ASIC2: variants seen among roughly 807,000 people sequenced by gnomAD.
ASIC2 encodes the protein acid-sensing ion channel 2.
ASIC2 carries 25 observed loss-of-function variants against 57.3 expected under a neutral mutation model. That is an observed-to-expected ratio of 0.44 (90% CI 0.32 to 0.61). The LOEUF is 0.61. Ranked by LOEUF, ASIC2 falls within the 20% of genes least tolerant of loss-of-function variation. The probability of loss-of-function intolerance (pLI) is 0.06; values close to 1 mark genes in which losing one functional copy is unlikely to be tolerated. For synonymous variants in ASIC2, 319 were observed against 307.5 expected, an observed-to-expected ratio of 1.04 and a Z score of -0.39; for missense variants, 641 against 738.1, an observed-to-expected ratio of 0.87 and a Z score of 1.52.
At chr17:34,085,242 G>C (rs1910064797) in intron 1 of ASIC2, among the ~76,000 whole-genome samples, 1 of 152,264 alleles carries the variant, frequency 6.6e-6, no homozygotes, top group East Asian at 1.9e-4. Flanking sequence ...AGAGTTTTTA[G>C]CATGAAGGTT....
rs1022022146 is a variant in ASIC2 at position 33,695,088 on chromosome 17, A to T, written c.555+460890T>A. On this transcript the variant is annotated intron_variant, in intron 1 of 9. Transcript: ENST00000359872. ...GGGAAAGAAAATATATCACAAAAAAAGTTTTTTGTTTAGTAGCAAACAGTA... is the reference window on the plus strand; with the variant it reads ...GGGAAAGAAAATATATCACAAAAAATGTTTTTTGTTTAGTAGCAAACAGTA... Among the ~76,000 whole-genome samples, 12 of 152,360 alleles carry T rather than the reference A, an allele frequency of 7.9e-5. No individual in the cohort carries two copies. The East Asian group carries it at 2.3e-3, about 29-fold the overall frequency.
intron 1 of ASIC2, among the ~76,000 whole-genome samples, chr17:33,877,769 C>T (rs1166545596): frequency 6.6e-6 from 1 of 152,204 alleles, no homozygotes; most frequent in African/African-American, 2.4e-5. Flanking sequence ...AGTGGTTCTC[C>T]CAGCACACAG....
At chr17:33,742,723 G>A (rs1431584076) in intron 1 of ASIC2, among the ~76,000 whole-genome samples, 2 of 152,182 alleles carry the variant, frequency 1.3e-5, no homozygotes, top group Non-Finnish European at 2.9e-5. Context: ...GGCATAATGG[G>A]TTCTGATGTT....
chr17:33,862,447 G>A (rs916097240), intron 1 of ASIC2, among the ~76,000 whole-genome samples: 2 of 151,980 alleles, frequency 1.3e-5, no homozygotes, highest in African/African-American at 2.4e-5. Flanking sequence ...TATATTTATA[G>A]GGTATAGATG....
At chr17:33,032,317 T>C (rs1396707688) in intron 3 of ASIC2, among the ~76,000 whole-genome samples, 1 of 152,184 alleles carries the variant, frequency 6.6e-6, no homozygotes, top group Non-Finnish European at 1.5e-5. Context: ...ATTTACAATA[T>C]TCATACTTAA....
At chr17:33,034,894 C>T (rs753253764) in intron 3 of ASIC2, among the ~76,000 whole-genome samples, 5 of 152,174 alleles carry the variant, frequency 3.3e-5, no homozygotes, top group Non-Finnish European at 5.9e-5. Context: ...AAATATTAGC[C>T]AGTATTTCTT....
At chr17:33,542,590 G>T (rs1224235621) in intron 1 of ASIC2, among the ~76,000 whole-genome samples, 1 of 72,852 alleles carries the variant, frequency 1.4e-5, no homozygotes, top group Non-Finnish European at 2.8e-5. Context: ...TTTTGATGGG[G>T]TTGTTTGTTT....
At chr17:33,329,840 A>G (rs1907236168) in intron 1 of ASIC2, among the ~76,000 whole-genome samples, 1 of 152,120 alleles carries the variant, frequency 6.6e-6, no homozygotes, top group Non-Finnish European at 1.5e-5. Context: ...CAAGAACTAT[A>G]CCCAGGTAGG....
intron 2 of ASIC2, among the ~76,000 whole-genome samples, chr17:33,095,204 G>T (rs1418221016): frequency 6.6e-6 from 1 of 152,178 alleles, no homozygotes; most frequent in Non-Finnish European, 1.5e-5. Context: ...AAGGGGATCA[G>T]TTGCTGTTTT....
At chr17:33,352,968 C>A (rs1908242754) in intron 1 of ASIC2, among the ~76,000 whole-genome samples, 1 of 152,174 alleles carries the variant, frequency 6.6e-6, no homozygotes, top group South Asian at 2.1e-4. Context: ...GAGCTAATAT[C>A]TGTAGCACTG....
intron 1 of ASIC2, among the ~76,000 whole-genome samples, chr17:33,128,101 C>T (rs1378508628): frequency 2.0e-5 from 3 of 152,234 alleles, no homozygotes; most frequent in African/African-American, 7.2e-5. Flanking sequence ...CTTCATACTC[C>T]AGCTAGGGAA....
intron 1 of ASIC2, among the ~76,000 whole-genome samples, chr17:33,364,916 G>T (rs113274016): frequency 6.6e-6 from 1 of 152,046 alleles, no homozygotes; most frequent in Non-Finnish European, 1.5e-5. Flanking sequence ...GTCCAACTCC[G>T]CAGTCAAGTA....
At position 33,291,511 on chromosome 17, in the gene ASIC2, C is replaced by G. The variant is rs772044158; in HGVS notation, c.605G>C (p.Gly202Ala). The change falls in exon 1 of 10, where the codon GGA becomes GCA. Residue 202 changes from glycine (G) to alanine (A), a missense_variant. Coordinates refer to ENST00000225823, the MANE Select transcript of ASIC2 (RefSeq NM_183377.2). ...RLFLPPRHFE[G>A]ISAAFMDRLG... ...GCGGTCCATGAAGGCGGCGCTGATT[C>G]CCTCGAAGTGGCGCGGAGGCAGGAA... is the stretch of plus-strand genomic sequence containing the variant. The G allele has an allele frequency of 1.1e-5, 18 of 1,612,580 alleles. No individual in the cohort carries two copies. Among genetic ancestry groups the G allele is most frequent in the Admixed American group, 6.7e-5 (4 of 59,998 alleles).
intron 1 of ASIC2, among the ~76,000 whole-genome samples, chr17:33,588,924 G>A (rs1904736161): frequency 6.6e-6 from 1 of 152,174 alleles, no homozygotes; most frequent in Non-Finnish European, 1.5e-5. Context: ...TTCACTTGCT[G>A]TGTGGCCCAT....
In ASIC2 at chr17:33,619,337, C is replaced by T. The variant is rs552440988; in HGVS notation, c.556-507270G>A. Among the ~76,000 whole-genome samples, 6 of 152,104 alleles carry T rather than the reference C, an allele frequency of 3.9e-5. 1 individual carries two copies. The South Asian group carries it at 1.2e-3, about 32-fold the overall frequency. The stretch of plus-strand genomic sequence containing the variant: ...ATGAAGAGCTTCTTCTGTTAAGCTC[C>T]TAAAAATGATGTACCAGAAAAATTA... On this transcript the variant is annotated intron_variant, in intron 1 of 9. Transcript: ENST00000359872.
intron 1 of ASIC2, among the ~76,000 whole-genome samples, chr17:33,419,184 C>T (rs1215354131): frequency 6.6e-6 from 1 of 152,168 alleles, no homozygotes; most frequent in Non-Finnish European, 1.5e-5. Context: ...GTTGTTGCAC[C>T]CATTGGTGCC....
At chr17:33,621,727 C>T (rs1457071938) in intron 1 of ASIC2, among the ~76,000 whole-genome samples, 2 of 152,144 alleles carry the variant, frequency 1.3e-5, no homozygotes, top group Admixed American at 1.3e-4. Context: ...TTCCTGGGGG[C>T]CTCTGTCACC....
chr17:33,981,691 G>A (rs1490055860), intron 1 of ASIC2, among the ~76,000 whole-genome samples: 2 of 145,736 alleles, frequency 1.4e-5, no homozygotes, highest in Non-Finnish European at 3.0e-5. Flanking sequence ...AGGAAGGAAA[G>A]AAGGGAGGGG....
chr17:33,544,604 T>A (rs1269109491), intron 1 of ASIC2, among the ~76,000 whole-genome samples: 1 of 152,200 alleles, frequency 6.6e-6, no homozygotes, highest in African/African-American at 2.4e-5. Context: ...GAATGCTACA[T>A]TTCGTTGACT....
Sources: allele counts gnomAD v4.1 joint callset (sites outside exome capture counted in the v4.1 genomes callset), GRCh38; gene constraint gnomAD v4.1.1; transcripts MANE v1.5; gene names NCBI Gene and HGNC (gene_info 2026-07-23, HGNC 2026-07-21).